Variants in CA10 observed in about 807,000 individuals in gnomAD.
CA10 encodes carbonic anhydrase 10 (inactive), also known as carbonic anhydrase-related protein 10.
A neutral mutation model predicts 44.2 loss-of-function variants in CA10; 14 were observed. The observed-to-expected ratio is 0.32, with a 90% CI of 0.21 to 0.50. CA10 has a LOEUF of 0.50. CA10 is among the 20% of genes least tolerant of loss of function. The probability of loss-of-function intolerance (pLI) is 0.99; values close to 1 mark genes in which losing one functional copy is unlikely to be tolerated. For synonymous variants in CA10, 159 were observed against 141.6 expected, an observed-to-expected ratio of 1.12 and a Z score of -0.87; for missense variants, 350 against 409.7, an observed-to-expected ratio of 0.85 and a Z score of 1.26.
intron 2 of CA10, among the ~76,000 whole-genome samples, chr17:51,993,205 G>A (rs1024883213): frequency 2.0e-5 from 3 of 152,018 alleles, no homozygotes; most frequent in African/African-American, 4.8e-5. Flanking sequence ...TATGAGGCTC[G>A]TGCACATTAA....
intron 3 of CA10, among the ~76,000 whole-genome samples, chr17:51,912,435 AGTTT>A (rs1981826992): frequency 6.6e-6 from 1 of 152,164 alleles, no homozygotes; most frequent in African/African-American, 2.4e-5. Flanking sequence ...CCAACTTCAT[AGTTT>A]ATTTACTGTG....
At chr17:51,749,145 C>T (rs1055699894) in intron 3 of CA10, among the ~76,000 whole-genome samples, 1 of 152,192 alleles carries the variant, frequency 6.6e-6, no homozygotes, top group Admixed American at 6.5e-5. Flanking sequence ...TCAGCCTAGG[C>T]CCCTAGAGAT....
At chr17:51,692,055 G>T (rs1378880431) in intron 4 of CA10, among the ~76,000 whole-genome samples, 1 of 150,766 alleles carries the variant, frequency 6.6e-6, no homozygotes, top group African/African-American at 2.4e-5. Context: ...TATTTTGATA[G>T]GGATTGCTTG....
chr17:51,871,050 CTTTTTTTT>C (rs56319440), intron 3 of CA10, among the ~76,000 whole-genome samples: 16 of 94,854 alleles, frequency 1.7e-4, no homozygotes, highest in South Asian at 6.6e-4. Flanking sequence ...TCCCACTTTA[CTTTTTTTT>C]TTTTTTTTTT....
At chr17:51,796,675 C>T (rs1475157450) in intron 3 of CA10, among the ~76,000 whole-genome samples, 5 of 152,136 alleles carry the variant, frequency 3.3e-5, no homozygotes, top group Non-Finnish European at 7.4e-5. Flanking sequence ...GTTAGGGTGT[C>T]TGGAACTCTT....
At chr17:51,673,097 A>C (rs1377294800) in intron 4 of CA10, among the ~76,000 whole-genome samples, 1 of 152,232 alleles carries the variant, frequency 6.6e-6, no homozygotes, top group African/African-American at 2.4e-5. Flanking sequence ...TGGTTTCAGG[A>C]AAGGGCCATT....
chr17:51,843,883 T>C (rs967685349), intron 3 of CA10, among the ~76,000 whole-genome samples: 7 of 152,140 alleles, frequency 4.6e-5, no homozygotes, highest in African/African-American at 1.7e-4. Context: ...AGCATGAAAA[T>C]AGTCATCACT....
intron 3 of CA10, among the ~76,000 whole-genome samples, chr17:51,755,723 A>G (rs919514559): frequency 2.0e-5 from 3 of 152,204 alleles, no homozygotes; most frequent in African/African-American, 4.8e-5. Flanking sequence ...AGGATTTACT[A>G]TGTGTCAGAT....
intron 3 of CA10, among the ~76,000 whole-genome samples, chr17:51,905,137 T>G (rs1981488126): frequency 6.6e-6 from 1 of 152,152 alleles, no homozygotes; most frequent in Non-Finnish European, 1.5e-5. Context: ...CAGTTGAATA[T>G]TTGCCCTAAG....
At chr17:52,069,896 C>G (rs1185423626) in intron 2 of CA10, among the ~76,000 whole-genome samples, 1 of 152,146 alleles carries the variant, frequency 6.6e-6, no homozygotes, top group Non-Finnish European at 1.5e-5. Flanking sequence ...ATATCAAGTT[C>G]TCTCCTATTT....
intron 2 of CA10, among the ~76,000 whole-genome samples, chr17:52,067,643 A>G (rs1325265637): frequency 1.3e-5 from 2 of 152,240 alleles, no homozygotes; most frequent in African/African-American, 2.4e-5. Context: ...TGGACACTCA[A>G]TGCCAGCCTG....
rs552827664 is a variant in CA10, at chr17:51,934,016, C to T, written c.137-2884G>A. Among the ~76,000 whole-genome samples the T allele has an allele frequency of 8.5e-5, 13 of 152,182 alleles. No individual in the cohort carries two copies. The South Asian group carries it at 1.0e-3, about 12-fold the overall frequency. ...TTCGGGGTTTTATATCCCCACTTCACGATCAAAGCCTGCGTCTCTGATGCT... is the reference window on the plus strand; with the variant it reads ...TTCGGGGTTTTATATCCCCACTTCATGATCAAAGCCTGCGTCTCTGATGCT... On this transcript the variant is annotated intron_variant, in intron 2 of 8. Transcript: ENST00000451037.
At chr17:51,950,201 C>T (rs948794339) in intron 2 of CA10, among the ~76,000 whole-genome samples, 2 of 152,114 alleles carry the variant, frequency 1.3e-5, no homozygotes, top group Non-Finnish European at 2.9e-5. Flanking sequence ...TACTTCAGGG[C>T]TGCTCAAAGG....
At chr17:51,994,773 T>G (rs1985169832) in intron 2 of CA10, among the ~76,000 whole-genome samples, 1 of 152,150 alleles carries the variant, frequency 6.6e-6, no homozygotes, top group South Asian at 2.1e-4. Flanking sequence ...AATCAAAAGT[T>G]ACTCAAGTAT....
chr17:51,889,233 AGCAGGTGG>A (rs1980747403), intron 3 of CA10, among the ~76,000 whole-genome samples: 1 of 152,188 alleles, frequency 6.6e-6, no homozygotes, highest in Non-Finnish European at 1.5e-5. Context: ...TCAAGAATCA[AGCAGGTGG>A]GCAGGTATGG....
chr17:51,740,422 G>A (rs939844546), intron 4 of CA10, among the ~76,000 whole-genome samples: 2 of 152,114 alleles, frequency 1.3e-5, no homozygotes, highest in Admixed American at 6.5e-5. Flanking sequence ...GGCTATATTA[G>A]GCAGTGTTAT....
intron 2 of CA10, among the ~76,000 whole-genome samples, chr17:52,038,296 T>C (rs769881903): frequency 3.9e-5 from 6 of 152,284 alleles, no homozygotes; most frequent in African/African-American, 1.4e-4. Context: ...GGCACACTTG[T>C]CAAAAGTAAT....
rs557836492 is a variant in CA10, at chr17:52,073,237, G to A, written c.62-844C>T. Among the ~76,000 whole-genome samples the A allele has an allele frequency of 1.2e-3, 182 of 152,144 alleles. 1 individual carries two copies. Among genetic ancestry groups the A allele is most frequent in the African/African-American group, 4.1e-3 (170 of 41,520 alleles). On this transcript the variant is annotated intron_variant, in intron 1 of 8. Transcript: ENST00000451037. ...TTTTCTTTTCTTCTTTAAATCTGGT[G>A]GGGGTTTTTTTCCAGCCTTCCTCTT...
intron 2 of CA10, among the ~76,000 whole-genome samples, chr17:51,952,780 C>A (rs1393301521): frequency 3.9e-5 from 6 of 152,130 alleles, no homozygotes; most frequent in Non-Finnish European, 8.8e-5. Flanking sequence ...CAAGGCTCTG[C>A]TCTGGTGCTT....
Sources: gnomAD v4.1 joint callset for allele counts (sites outside exome capture counted in the v4.1 genomes callset) on GRCh38, gnomAD v4.1.1 for gene constraint, MANE v1.5 for transcripts, NCBI Gene and HGNC (gene_info 2026-07-23, HGNC 2026-07-21) for gene names.